Variants in NUTF2 observed in about 807,000 individuals in gnomAD.
NUTF2 encodes the protein placental protein 15.
A neutral mutation model predicts 18.5 loss-of-function variants in NUTF2; 3 were observed. The observed-to-expected ratio is 0.16, with a 90% CI of 0.07 to 0.42. NUTF2 has a LOEUF of 0.42. NUTF2 is among the 10% of genes least tolerant of loss of function. The probability of loss-of-function intolerance (pLI) is 0.99; values close to 1 mark genes in which losing one functional copy is unlikely to be tolerated. For synonymous variants in NUTF2, 51 were observed against 57.9 expected, an observed-to-expected ratio of 0.88 and a Z score of 0.54; for missense variants, 44 against 160.7, an observed-to-expected ratio of 0.27 and a Z score of 3.93.
rs2058017990 is a variant in NUTF2, at chr16:67,872,120, C to A, written c.*1207C>A. 6.6e-6 allele frequency: 1 copy of A among 152,282 alleles called. No individual in the cohort carries two copies. The highest frequency in any genetic ancestry group is 2.4e-5 in the African/African-American group (1 of 41,450). 9.4% of individuals were successfully genotyped at this position (152,282 alleles called of 1,614,324 possible). ...CTCCATTTTGGGGACAAAGGCCTTG[C>A]CCAGTACAAATCTAGCCCCTTGTCC... On this transcript the variant is annotated 3_prime_UTR_variant, in exon 5 of 5. Coordinates refer to ENST00000219169, the MANE Select transcript of NUTF2 (RefSeq NM_005796.3).
At chr16:67,864,898 C>T (rs964896830) in intron 1 of NUTF2, among the ~76,000 whole-genome samples, 1 of 152,172 alleles carries the variant, frequency 6.6e-6, no homozygotes, top group African/African-American at 2.4e-5. Flanking sequence ...AAAGGAGAGG[C>T]TGGGTCTGAT....
At chr16:67,866,877 G>T (rs2057975988) in intron 2 of NUTF2, among the ~76,000 whole-genome samples, 1 of 152,154 alleles carries the variant, frequency 6.6e-6, no homozygotes, top group Non-Finnish European at 1.5e-5. Context: ...CAAAGTGCTG[G>T]GATTACAGGT....
At chr16:67,858,718 T>C (rs755212775) in intron 1 of NUTF2, among the ~76,000 whole-genome samples, 3 of 152,104 alleles carry the variant, frequency 2.0e-5, no homozygotes, top group Non-Finnish European at 2.9e-5. Flanking sequence ...CCAGGTCACC[T>C]AGGACAGGAT....
At chr16:67,849,571 C>A (rs953832212) in intron 1 of NUTF2, among the ~76,000 whole-genome samples, 3 of 151,936 alleles carry the variant, frequency 2.0e-5, no homozygotes, top group African/African-American at 4.8e-5. Flanking sequence ...AACTCCTGAC[C>A]TCAGGTGGTC....
At chr16:67,849,784 G>C (rs1172348209) in intron 1 of NUTF2, among the ~76,000 whole-genome samples, 1 of 150,744 alleles carries the variant, frequency 6.6e-6, no homozygotes, top group East Asian at 2.0e-4. Flanking sequence ...TCAGCCTCCC[G>C]AGTAGCTGGG....
At position 67,865,173 on chromosome 16, in the gene NUTF2, A is replaced by G; in HGVS notation, c.43A>G (p.Ile15Val). ...PIWEQIGSSF[I>V]QHYYQLFDND... ...TTGGGAGCAGATTGGATCCAGCTTC[A>G]TTCAACATTACTACCAGTTATTTGA... Residue 15 changes from isoleucine to valine, a missense_variant, in exon 2 of 5, where the codon ATT becomes GTT. Coordinates refer to ENST00000219169, the MANE Select transcript of NUTF2 (RefSeq NM_005796.3). The G allele has an allele frequency of 6.2e-7, 1 of 1,613,236 alleles. No homozygotes were observed. Among genetic ancestry groups the G allele is most frequent in the Non-Finnish European group, 8.5e-7 (1 of 1,179,810 alleles).
At chr16:67,857,775 G>A (rs1316790777) in intron 1 of NUTF2, among the ~76,000 whole-genome samples, 1 of 152,262 alleles carries the variant, frequency 6.6e-6, no homozygotes, top group Non-Finnish European at 1.5e-5. Flanking sequence ...CCTTGGGAAT[G>A]AGAGAGTATT....
chr16:67,857,299 C>G (rs2057904557), intron 1 of NUTF2, among the ~76,000 whole-genome samples: 1 of 152,166 alleles, frequency 6.6e-6, no homozygotes, highest in Non-Finnish European at 1.5e-5. Context: ...TCTCGGGATT[C>G]AGCTGGGCCA....
intron 1 of NUTF2, among the ~76,000 whole-genome samples, chr16:67,850,820 A>G (rs2057849445): frequency 6.6e-6 from 1 of 151,464 alleles, no homozygotes; most frequent in Non-Finnish European, 1.5e-5. Context: ...TTTTTTTTTG[A>G]GACAGAGCCT....
At position 67,865,214 on chromosome 16, in the gene NUTF2, A is replaced by G. The variant is rs2151299818; in HGVS notation, c.84A>G (p.Gln28=). The change falls in exon 2 of 5, where the codon CAA becomes CAG. Residue 28 remains glutamine, a synonymous_variant. Transcript: ENST00000219169. ...AGTTATTTGATAATGATAGAACCCA[A>G]CTAGGCGCAATTTACGTAAGTTTCC... ...YYQLFDNDRT[Q]LGAIYIDASC... 6.2e-7 allele frequency: 1 copy of G among 1,611,902 alleles called. No individual in the cohort carries two copies. Among genetic ancestry groups the G allele is most frequent in the South Asian group, 1.1e-5 (1 of 91,038 alleles).
chr16:67,870,809 G>GA lies in NUTF2; in HGVS notation c.281dup (p.Asp94GlufsTer24). The GA allele has an allele frequency of 1.2e-6, 2 of 1,609,854 alleles. No individual in the cohort carries two copies. Among genetic ancestry groups the GA allele is most frequent in the Non-Finnish European group, 1.7e-6 (2 of 1,176,172 alleles). On this transcript the variant is annotated frameshift_variant, in exon 5 of 5. Coordinates refer to ENST00000219169, the MANE Select transcript of NUTF2 (RefSeq NM_005796.3). LOFTEE classifies it high-confidence loss of function. ...TTTTCTCTCCTCATAGGCGGATGAA[G>GA]ACCCCATCATGGGGTTCCACCAGAT...
chr16:67,855,894 G>GA, intron 1 of NUTF2: 1 of 449,572 alleles, frequency 2.2e-6, no homozygotes, highest in Non-Finnish European at 4.0e-6. Flanking sequence ...TGGCGGGGGG[G>GA]GGGGATGGGG....
chr16:67,857,286 A>G (rs2057904449), intron 1 of NUTF2, among the ~76,000 whole-genome samples: 1 of 152,186 alleles, frequency 6.6e-6, no homozygotes, highest in South Asian at 2.1e-4. Flanking sequence ...ACCAGAATGC[A>G]GGTCTCGGGA....
rs551833095 is a variant in NUTF2 at position 67,864,370 on chromosome 16, G to A, written c.-29-732G>A. ...TACTAAAAATACAAATTAGCTGGGT[G>A]TGTTGGCAGGCGCCTGTAATCCCAG... On this transcript the variant is annotated intron_variant, in intron 1 of 4. Coordinates refer to ENST00000219169, the MANE Select transcript of NUTF2 (RefSeq NM_005796.3). Among the ~76,000 whole-genome samples the A allele has an allele frequency of 7.2e-5, 11 of 152,222 alleles. No homozygotes were observed. The East Asian group carries it at 2.1e-3, about 29-fold the overall frequency.
intron 2 of NUTF2, 116 bp from the exon 3 acceptor site, chr16:67,868,219 ACAGGG>A (rs1346530313): frequency 6.0e-5 from 47 of 786,670 alleles, no homozygotes; most frequent in Middle Eastern, 7.5e-4. Flanking sequence ...CCTTCTTTAG[ACAGGG>A]AAACTGAAGT....
chr16:67,864,969 G>A (rs1347791990), intron 1 of NUTF2, 133 bp from the exon 2 acceptor site: 3 of 586,612 alleles, frequency 5.1e-6, no homozygotes, highest in African/African-American at 3.7e-5. Flanking sequence ...GTTCCCCAGG[G>A]CCTGTCCGTG....
chr16:67,864,008 A>G lies in NUTF2; in HGVS notation c.-29-1094A>G, dbSNP rs1211378859. Among the ~76,000 whole-genome samples the G allele has an allele frequency of 2.6e-5, 4 of 152,176 alleles. No homozygotes were observed. The East Asian group carries it at 7.7e-4, about 29-fold the overall frequency. On this transcript the variant is annotated intron_variant, in intron 1 of 4. Transcript: ENST00000219169. The stretch of plus-strand genomic sequence containing the variant: ...GGATGAGGGGATATGAAGGGATGAC[A>G]CGTTTCCCTTCACAGCCTCCATCCC...
In NUTF2 at chr16:67,858,074, G is replaced by T. The variant is rs141408282; in HGVS notation, c.-29-7028G>T. Reference sequence around the variant, plus strand: ...GGGTGCTTTGTCAGGGAGATAGACCGTAAACAAATACCAAACTGTGACAAT... The same window carrying T: ...GGGTGCTTTGTCAGGGAGATAGACCTTAAACAAATACCAAACTGTGACAAT... On this transcript the variant is annotated intron_variant, in intron 1 of 4. Transcript: ENST00000219169. Among the ~76,000 whole-genome samples the T allele has an allele frequency of 9.5e-4, 145 of 152,342 alleles. 4 individuals carry two copies. The East Asian group carries it at 0.026, about 27-fold the overall frequency.
At position 67,871,305 on chromosome 16, in the gene NUTF2, A is replaced by G. The variant is rs778897112; in HGVS notation, c.*392A>G. 4.3e-5 allele frequency: 7 copies of G among 161,052 alleles called. No individual in the cohort carries two copies. Among genetic ancestry groups the G allele is most frequent in the Non-Finnish European group, 8.1e-5 (6 of 74,060 alleles). 10.0% of individuals were successfully genotyped at this position (161,052 alleles called of 1,614,324 possible). Reference sequence around the variant, plus strand: ...CTCATGATACAATAAAACCACAAAAATTTTCTTAACAGTTTAAATTGTTTT... The same window carrying G: ...CTCATGATACAATAAAACCACAAAAGTTTTCTTAACAGTTTAAATTGTTTT... On this transcript the variant is annotated 3_prime_UTR_variant, in exon 5 of 5. Coordinates refer to ENST00000219169, the MANE Select transcript of NUTF2 (RefSeq NM_005796.3).
Sources: allele counts gnomAD v4.1 joint callset (sites outside exome capture counted in the v4.1 genomes callset), GRCh38; gene constraint gnomAD v4.1.1; transcripts MANE v1.5; gene names NCBI Gene and HGNC (gene_info 2026-07-23, HGNC 2026-07-21).